The following CCDC91 variants were observed in gnomAD, a reference collection of about 807,000 sequenced individuals.
The protein encoded by CCDC91 is coiled-coil domain-containing protein 91.
A neutral mutation model predicts 63.2 loss-of-function variants in CCDC91; 48 were observed. The observed-to-expected ratio is 0.76, with a 90% CI of 0.60 to 0.97. The LOEUF is 0.97. Ranked by LOEUF, CCDC91 falls within the 50% of genes least tolerant of loss-of-function variation. The pLI is 0.00. For missense variants in CCDC91, 500 were observed against 494.6 expected, an observed-to-expected ratio of 1.01 and a Z score of -0.10; for synonymous variants, 167 against 165.8, an observed-to-expected ratio of 1.01 and a Z score of -0.06.
intron 8 of CCDC91, among the ~76,000 whole-genome samples, chr12:28,394,260 A>C (rs1386952965): frequency 1.3e-5 from 2 of 152,128 alleles, no homozygotes; most frequent in Non-Finnish European, 2.9e-5. Flanking sequence ...AGGTCAGAAG[A>C]TTGAGACCAT....
At chr12:28,346,942 C>T (rs11049546) in intron 6 of CCDC91, among the ~76,000 whole-genome samples, 62,090 of 151,958 alleles carry the variant, frequency 0.41, 13,000 homozygotes, top group Middle Eastern at 0.49. Flanking sequence ...CTGAACCTAT[C>T]AGGCAAAAGA....
chr12:28,474,420 A>C (rs775196726), intron 11 of CCDC91, among the ~76,000 whole-genome samples: 1 of 152,142 alleles, frequency 6.6e-6, no homozygotes, highest in African/African-American at 2.4e-5. Flanking sequence ...TAAAAAATGT[A>C]AAAAGTATTC....
intron 3 of CCDC91, chr12:28,302,753 G>A (rs1479465767): frequency 2.2e-6 from 1 of 456,310 alleles, no homozygotes; most frequent in African/African-American, 2.1e-5. Flanking sequence ...GTTTATTTAA[G>A]ATGATGGGCA....
At chr12:28,506,570 C>T (rs1938739743) in intron 12 of CCDC91, among the ~76,000 whole-genome samples, 1 of 151,952 alleles carries the variant, frequency 6.6e-6, no homozygotes. Flanking sequence ...AAATGTTTAA[C>T]ACAGCCACTA....
In CCDC91 at chr12:28,532,425, C is replaced by G. The variant is rs1220619531; in HGVS notation, c.1216-16638C>G. 5.3e-5 allele frequency among the ~76,000 whole-genome samples: 8 copies of G among 151,736 alleles called. No individual in the cohort carries two copies. The East Asian group carries it at 1.2e-3, about 22-fold the overall frequency. On this transcript the variant is annotated intron_variant, in intron 12 of 12. Coordinates refer to ENST00000536442, the MANE Select transcript of CCDC91 (RefSeq NM_018318.5). ...GGGATTAGTGGATTTACAGTCATAG[C>G]AATTATTTTTAGTTTTTAAATATCT... is the stretch of plus-strand genomic sequence containing the variant.
chr12:28,246,441 C>CT (rs1233628044), intron 1 of CCDC91, among the ~76,000 whole-genome samples: 3 of 151,846 alleles, frequency 2.0e-5, no homozygotes, highest in East Asian at 1.9e-4. Flanking sequence ...TATTTGTAGA[C>CT]TTTTTTTTAC....
chr12:28,546,801 T>C (rs1421770559), intron 12 of CCDC91, among the ~76,000 whole-genome samples: 1 of 152,024 alleles, frequency 6.6e-6, no homozygotes, highest in African/African-American at 2.4e-5. Context: ...ACTGATAACT[T>C]AGTATACTCT....
intron 1 of CCDC91, among the ~76,000 whole-genome samples, chr12:28,237,602 G>A (rs141242614): frequency 9.9e-5 from 15 of 152,268 alleles, no homozygotes; most frequent in African/African-American, 3.6e-4. Context: ...AGCTGGAACA[G>A]GCAGGGCATG....
At chr12:28,209,622 G>C (rs1407277361) in intron 1 of CCDC91, among the ~76,000 whole-genome samples, 2 of 151,986 alleles carry the variant, frequency 1.3e-5, no homozygotes, top group African/African-American at 2.4e-5. Flanking sequence ...GTAGAGACAG[G>C]GTTTCGTCAT....
At chr12:28,543,175 A>G (rs924558914) in intron 12 of CCDC91, among the ~76,000 whole-genome samples, 10 of 151,986 alleles carry the variant, frequency 6.6e-5, no homozygotes, top group African/African-American at 2.4e-4. Flanking sequence ...CCCTACCCTA[A>G]TCCAGTAAGA....
chr12:28,286,099 C>G (rs1948898545), intron 3 of CCDC91, among the ~76,000 whole-genome samples: 1 of 151,786 alleles, frequency 6.6e-6, no homozygotes, highest in Non-Finnish European at 1.5e-5. Context: ...TGGCTTGAGT[C>G]AAGGGAACAC....
At chr12:28,527,780 T>G (rs559359445) in intron 12 of CCDC91, among the ~76,000 whole-genome samples, 2 of 152,274 alleles carry the variant, frequency 1.3e-5, no homozygotes, top group African/African-American at 4.8e-5. Flanking sequence ...CTGCAACTGC[T>G]GTGGGAGATG....
chr12:28,308,777 CT>C (rs1049177163), intron 6 of CCDC91, among the ~76,000 whole-genome samples: 27 of 152,072 alleles, frequency 1.8e-4, no homozygotes, highest in African/African-American at 6.3e-4. Flanking sequence ...TTCCTAGCAC[CT>C]TTTACATTTG....
intron 11 of CCDC91, among the ~76,000 whole-genome samples, chr12:28,470,730 T>A (rs905653808): frequency 6.6e-6 from 1 of 152,194 alleles, no homozygotes; most frequent in African/African-American, 2.4e-5. Flanking sequence ...GTGTTACTTA[T>A]ACACAACAAG....
At chr12:28,298,781 T>C (rs548846281) in intron 3 of CCDC91, among the ~76,000 whole-genome samples, 22 of 149,970 alleles carry the variant, frequency 1.5e-4, no homozygotes, top group East Asian at 3.9e-4. Flanking sequence ...TGTGTGCACA[T>C]ATATATATAT....
Position 28,220,319 on chromosome 12 carries a change from C to T in CCDC91, c.-15+29678C>T, listed in dbSNP as rs146291165. 1.0e-3 allele frequency among the ~76,000 whole-genome samples: 154 copies of T among 152,002 alleles called. 4 individuals carry two copies. The East Asian group carries it at 0.017, about 17-fold the overall frequency. On this transcript the variant is annotated intron_variant, in intron 1 of 12. Coordinates refer to ENST00000536442, the MANE Select transcript of CCDC91 (RefSeq NM_018318.5). The stretch of plus-strand genomic sequence containing the variant: ...TAATGTCTACAATATACATCTTTAA[C>T]GTATTAGTCCACTTATCAATATTTT...
chr12:28,440,382 G>A (rs1042036196), intron 8 of CCDC91, among the ~76,000 whole-genome samples: 4 of 152,096 alleles, frequency 2.6e-5, no homozygotes, highest in Admixed American at 6.6e-5. Flanking sequence ...AACCCAGTTC[G>A]TATACAAACC....
At chr12:28,527,336 GT>G (rs987560066) in intron 12 of CCDC91, among the ~76,000 whole-genome samples, 6 of 152,196 alleles carry the variant, frequency 3.9e-5, no homozygotes, top group Admixed American at 3.9e-4. Context: ...AGGGATGGGG[GT>G]TCCCGAGAGC....
In CCDC91 at chr12:28,385,258, C is replaced by CAAT. The variant is rs144736500; in HGVS notation, c.655-6044_655-6043insTAA. 9.2e-3 allele frequency among the ~76,000 whole-genome samples: 1,403 copies of CAAT among 152,234 alleles called. 27 individuals carry two copies. The highest frequency in any genetic ancestry group is 0.032 in the African/African-American group (1,334 of 41,560). Reference sequence around the variant, plus strand: ...ATTATTTTGTATATACTATTATCCTCAAGCTAAACTAAGTGTATAATTACA... The same window carrying CAAT: ...ATTATTTTGTATATACTATTATCCTCAATAAGCTAAACTAAGTGTATAATTACA... On this transcript the variant is annotated intron_variant, in intron 7 of 12. Transcript: ENST00000536442.
Sources: allele counts gnomAD v4.1 joint callset (sites outside exome capture counted in the v4.1 genomes callset), GRCh38; gene constraint gnomAD v4.1.1; transcripts MANE v1.5; gene names NCBI Gene and HGNC (gene_info 2026-07-23, HGNC 2026-07-21).